RNF150: variants seen among roughly 807,000 people sequenced by gnomAD.
RNF150 encodes the protein ring finger protein 150.
RNF150 carries 24 observed loss-of-function variants against 39.3 expected under a neutral mutation model. The ratio of observed to expected loss-of-function variants is 0.61; its 90% confidence interval spans 0.44 to 0.86. The LOEUF is 0.86. RNF150 is among the 40% of genes least tolerant of loss of function. The pLI is 0.00. For synonymous variants in RNF150, 255 were observed against 227.3 expected (o/e 1.12, Z -1.10); for missense variants, 502 against 587.8 (o/e 0.85, Z 1.51).
chr4:141,071,385 A>T (rs1014357414), intron 1 of RNF150, among the ~76,000 whole-genome samples: 13 of 145,418 alleles, frequency 8.9e-5, no homozygotes, highest in African/African-American at 3.3e-4. Context: ...AGTATAATTA[A>T]AAAAAAATGG....
In RNF150 at chr4:140,911,343, G is replaced by A. The variant is rs368211428; in HGVS notation, c.999C>T (p.Asp333=). 2 of 1,614,156 alleles carry A rather than the reference G, an allele frequency of 1.2e-6. No individual in the cohort carries two copies. Among genetic ancestry groups the A allele is most frequent in the African/African-American group, 1.3e-5 (1 of 75,056 alleles). ...LKALGIPPNA[D]CMDDLPTDFE... is the part of the protein sequence containing the mutation. The stretch of plus-strand genomic sequence containing the variant: ...AGTCAGTGGGCAAGTCGTCCATGCA[G>A]TCGGCATTGGGCTGATGGGGCAGAA... The change falls in exon 6 of 7, where the codon GAC becomes GAT. Residue 333 remains aspartate (D), a synonymous_variant. Coordinates refer to ENST00000515673, the MANE Select transcript of RNF150 (RefSeq NM_020724.2).
chr4:141,007,800 A>C (rs1734928940), intron 1 of RNF150, among the ~76,000 whole-genome samples: 1 of 152,206 alleles, frequency 6.6e-6, no homozygotes, highest in African/African-American at 2.4e-5. Context: ...AATGTCCCAC[A>C]GGTGCATCTG....
intron 6 of RNF150, among the ~76,000 whole-genome samples, chr4:140,892,038 G>C (rs1388965950): frequency 6.6e-6 from 1 of 152,128 alleles, no homozygotes; most frequent in Non-Finnish European, 1.5e-5. Flanking sequence ...AAAAAGGTTG[G>C]GAACTGCTGC....
intron 1 of RNF150, among the ~76,000 whole-genome samples, chr4:141,075,022 C>A (rs1737843979): frequency 6.6e-6 from 1 of 152,262 alleles, no homozygotes; most frequent in South Asian, 2.1e-4. Flanking sequence ...ATATACTGTC[C>A]CGTGAGTTTT....
At chr4:141,208,698 C>T (rs577308033) in intron 1 of RNF150, among the ~76,000 whole-genome samples, 110 of 152,302 alleles carry the variant, frequency 7.2e-4, no homozygotes, top group Non-Finnish European at 1.2e-3. Context: ...TTTCTCATTT[C>T]CCAACTCACT....
At chr4:140,999,453 G>A (rs1192162984) in intron 1 of RNF150, among the ~76,000 whole-genome samples, 4 of 152,252 alleles carry the variant, frequency 2.6e-5, no homozygotes, top group Admixed American at 2.6e-4. Flanking sequence ...TATCATCAAG[G>A]GTTTACATGA....
intron 6 of RNF150, among the ~76,000 whole-genome samples, chr4:140,902,840 CCACT>C (rs1228989787): frequency 1.3e-5 from 2 of 152,098 alleles, no homozygotes; most frequent in Non-Finnish European, 2.9e-5. Flanking sequence ...CCTCCTCCAC[CCACT>C]GTCTTCTCAG....
At chr4:141,144,365 C>T (rs1727167882) in intron 1 of RNF150, among the ~76,000 whole-genome samples, 1 of 152,194 alleles carries the variant, frequency 6.6e-6, no homozygotes, top group South Asian at 2.1e-4. Flanking sequence ...AGAAGCTATG[C>T]CACACTGATA....
At chr4:141,144,079 T>A (rs1029183952) in intron 1 of RNF150, among the ~76,000 whole-genome samples, 1 of 152,160 alleles carries the variant, frequency 6.6e-6, no homozygotes, top group Non-Finnish European at 1.5e-5. Flanking sequence ...ATGCTTATCA[T>A]GGTCTGGCTC....
At chr4:141,108,259 C>T (rs921471865) in intron 1 of RNF150, among the ~76,000 whole-genome samples, 4 of 152,164 alleles carry the variant, frequency 2.6e-5, no homozygotes, top group Admixed American at 6.5e-5. Flanking sequence ...TTACATATTC[C>T]TACAATTCTT....
In RNF150 at chr4:141,172,710, G is replaced by T. The variant is rs140826592; in HGVS notation, c.-6+40084C>A. ...CTCACTTGAGCATTAATTACACTTG[G>T]TTCAAAAGCTTAATTTATGAAAACT... On this transcript the variant is annotated intron_variant, in intron 1 of 7. Transcript: ENST00000420921. Among the ~76,000 whole-genome samples, 196 of 152,174 alleles carry T rather than the reference G, an allele frequency of 1.3e-3. 3 individuals are homozygous for T. The highest frequency in any genetic ancestry group is 4.3e-3 in the African/African-American group (179 of 41,540).
chr4:140,902,560 G>T (rs1024130037), intron 6 of RNF150, among the ~76,000 whole-genome samples: 3 of 151,732 alleles, frequency 2.0e-5, no homozygotes, highest in Non-Finnish European at 4.4e-5. Flanking sequence ...GAACTTTTTG[G>T]TTTTTCCTTA....
At chr4:141,019,185 C>T (rs1292335277) in intron 1 of RNF150, among the ~76,000 whole-genome samples, 1 of 151,040 alleles carries the variant, frequency 6.6e-6, no homozygotes, top group African/African-American at 2.4e-5. Context: ...ACTACATTAA[C>T]ATTTTAATCT....
At chr4:141,057,067 T>C (rs1173098378) in intron 1 of RNF150, among the ~76,000 whole-genome samples, 1 of 152,062 alleles carries the variant, frequency 6.6e-6, no homozygotes, top group Non-Finnish European at 1.5e-5. Flanking sequence ...ATCTATAAAA[T>C]GGAGGTAAAA....
rs28848588 is a variant in RNF150, at chr4:141,184,029, G to A, written c.-6+28765C>T. 5.3e-3 allele frequency among the ~76,000 whole-genome samples: 811 copies of A among 152,268 alleles called. 6 individuals carry two copies. Among genetic ancestry groups the A allele is most frequent in the African/African-American group, 0.018 (740 of 41,550 alleles). On this transcript the variant is annotated intron_variant, in intron 1 of 7. Coordinates refer to the RNF150 transcript ENST00000420921. The stretch of plus-strand genomic sequence containing the variant: ...ATCCTTTGGGTATATACCCAGTAAT[G>A]GGATTGCTGGGTAAAATGGTATTTC...
chr4:141,188,700 G>A (rs1036077365), intron 1 of RNF150, among the ~76,000 whole-genome samples: 4 of 152,116 alleles, frequency 2.6e-5, no homozygotes, highest in African/African-American at 9.7e-5. Context: ...AGCTTCTTCA[G>A]GTCATTTATG....
chr4:140,965,746 C>T (rs552649512), intron 2 of RNF150, among the ~76,000 whole-genome samples: 34 of 151,886 alleles, frequency 2.2e-4, no homozygotes, highest in South Asian at 6.2e-4. Flanking sequence ...AAGCGGTTAC[C>T]GGAGTGGGGG....
At chr4:141,174,206 AG>A (rs1727772561) in intron 1 of RNF150, among the ~76,000 whole-genome samples, 1 of 152,218 alleles carries the variant, frequency 6.6e-6, no homozygotes. Flanking sequence ...TGTGCATAAA[AG>A]TGTCTGAGAC....
chr4:140,882,417 G>A (rs1462672285), intron 6 of RNF150, among the ~76,000 whole-genome samples: 6 of 152,114 alleles, frequency 3.9e-5, no homozygotes, highest in Admixed American at 3.3e-4. Context: ...ACTGTTGGGT[G>A]GAGTGTCCTG....
Sources: allele counts gnomAD v4.1 joint callset (sites outside exome capture counted in the v4.1 genomes callset), GRCh38; gene constraint gnomAD v4.1.1; transcripts MANE v1.5; gene names NCBI Gene and HGNC (gene_info 2026-07-23, HGNC 2026-07-21).